Variants in PXDNL observed in about 807,000 individuals in gnomAD.
PXDNL encodes probable oxidoreductase PXDNL.
In PXDNL, 145 loss-of-function variants were observed where a neutral mutation model predicts 150.8. That is an observed-to-expected ratio of 0.96 (90% CI 0.84 to 1.10). PXDNL has a LOEUF of 1.10. PXDNL is among the 50% of genes least tolerant of loss of function. The pLI is 0.00. For missense variants in PXDNL, 2,087 were observed against 1,873.9 expected (o/e 1.11, Z -2.10); for synonymous variants, 757 against 725.7 (o/e 1.04, Z -0.69).
intron 19 of PXDNL, among the ~76,000 whole-genome samples, chr8:51,360,257 A>T (rs1449262477): frequency 6.6e-6 from 1 of 152,176 alleles, no homozygotes; most frequent in Non-Finnish European, 1.5e-5. Context: ...CCATATGTGT[A>T]CACATCTATG....
At chr8:51,454,079 T>C (rs1809873344) in intron 9 of PXDNL, among the ~76,000 whole-genome samples, 1 of 149,256 alleles carries the variant, frequency 6.7e-6, no homozygotes, top group South Asian at 2.2e-4. Flanking sequence ...AGGGGTTAAA[T>C]GTTTAAACAT....
chr8:51,344,185 A>G (rs115365009), intron 20 of PXDNL, among the ~76,000 whole-genome samples: 4,490 of 152,000 alleles, frequency 0.03, 208 homozygotes, highest in African/African-American at 0.1. Context: ...ATTCATGGGA[A>G]CCTCAAACTC....
intron 8 of PXDNL, 82 bp from the exon 9 acceptor site, chr8:51,457,749 T>C: frequency 2.2e-6 from 2 of 912,482 alleles, no homozygotes; most frequent in Non-Finnish European, 3.2e-6. Flanking sequence ...TATAGTACTA[T>C]ATAGCTATGT....
At chr8:51,793,427 C>G (rs2037531794) in intron 1 of PXDNL, among the ~76,000 whole-genome samples, 1 of 152,190 alleles carries the variant, frequency 6.6e-6, no homozygotes, top group African/African-American at 2.4e-5. Flanking sequence ...CAGAGCACCA[C>G]TTCTCCTCCA....
intron 21 of PXDNL, among the ~76,000 whole-genome samples, chr8:51,338,193 A>G (rs1393286357): frequency 6.7e-6 from 1 of 149,508 alleles, no homozygotes; most frequent in Non-Finnish European, 1.5e-5. Context: ...AAAAAAAAAA[A>G]AAAAAAAAAG....
chr8:51,486,520 A>G (rs548419401), intron 5 of PXDNL, among the ~76,000 whole-genome samples: 1 of 151,980 alleles, frequency 6.6e-6, no homozygotes, highest in East Asian at 1.9e-4. Context: ...ATACTATCCC[A>G]GTAGTATTCA....
intron 4 of PXDNL, among the ~76,000 whole-genome samples, chr8:51,549,893 G>T (rs978768820): frequency 2.0e-5 from 3 of 151,990 alleles, no homozygotes; most frequent in Non-Finnish European, 2.9e-5. Context: ...AAAACAAAAA[G>T]CTGGTTCTTT....
chr8:51,401,630 A>C (rs899883631), intron 17 of PXDNL, among the ~76,000 whole-genome samples: 4 of 152,162 alleles, frequency 2.6e-5, no homozygotes, highest in Admixed American at 2.6e-4. Context: ...TATGGGAGAG[A>C]AGCACCCTTT....
intron 19 of PXDNL, among the ~76,000 whole-genome samples, chr8:51,367,853 T>C (rs1586040394): frequency 6.6e-6 from 1 of 152,248 alleles, no homozygotes; most frequent in East Asian, 1.9e-4. Context: ...GGCCACAGGG[T>C]GCAGTGGCTC....
intron 14 of PXDNL, among the ~76,000 whole-genome samples, chr8:51,421,868 C>T (rs567921767): frequency 2.6e-5 from 4 of 152,200 alleles, no homozygotes; most frequent in Non-Finnish European, 4.4e-5. Flanking sequence ...CCAACCCCAG[C>T]GCCTTCAGAA....
intron 19 of PXDNL, among the ~76,000 whole-genome samples, chr8:51,357,238 T>C (rs989485305): frequency 1.3e-5 from 2 of 152,210 alleles, no homozygotes; most frequent in South Asian, 2.1e-4. Context: ...GTTATAAGTA[T>C]ACTGGTTTTC....
At chr8:51,794,036 A>G (rs1177445951) in intron 1 of PXDNL, among the ~76,000 whole-genome samples, 2 of 152,088 alleles carry the variant, frequency 1.3e-5, no homozygotes, top group African/African-American at 4.8e-5. Context: ...AAGTATCATT[A>G]ACCGAATAGA....
intron 13 of PXDNL, among the ~76,000 whole-genome samples, chr8:51,424,324 A>G (rs1186377644): frequency 6.6e-6 from 1 of 152,184 alleles, no homozygotes; most frequent in East Asian, 1.9e-4. Flanking sequence ...AACTATGATC[A>G]TGCCACTGTA....
intron 3 of PXDNL, among the ~76,000 whole-genome samples, chr8:51,582,751 TA>T (rs1813236091): frequency 6.6e-6 from 1 of 152,160 alleles, no homozygotes; most frequent in Non-Finnish European, 1.5e-5. Flanking sequence ...ACACTACAGT[TA>T]TCCTATGTTA....
rs552356714 is a variant in PXDNL at position 51,800,610 on chromosome 8, G to C, written c.164+8571C>G. Among the ~76,000 whole-genome samples, 3 of 152,318 alleles carry C rather than the reference G, an allele frequency of 2.0e-5. No homozygotes were observed. The East Asian group carries it at 5.8e-4, about 29-fold the overall frequency. On this transcript the variant is annotated intron_variant, in intron 1 of 22. Coordinates refer to ENST00000356297, the MANE Select transcript of PXDNL (RefSeq NM_144651.5). ...GGAGGGACCAGCTGGAGCCACGGCA[G>C]AGGAACATAAATTGTGAAGATTTCA...
intron 12 of PXDNL, among the ~76,000 whole-genome samples, chr8:51,443,202 C>A (rs781496848): frequency 6.6e-6 from 1 of 151,966 alleles, no homozygotes; most frequent in Non-Finnish European, 1.5e-5. Flanking sequence ...TCATTGCTTA[C>A]AAATATTTGC....
At chr8:51,638,162 T>C (rs1482545931) in intron 2 of PXDNL, among the ~76,000 whole-genome samples, 1 of 152,150 alleles carries the variant, frequency 6.6e-6, no homozygotes, top group Non-Finnish European at 1.5e-5. Context: ...AGAGATTTTG[T>C]CACCACCAGG....
intron 1 of PXDNL, among the ~76,000 whole-genome samples, chr8:51,793,626 C>T (rs1021017871): frequency 4.6e-5 from 7 of 152,156 alleles, no homozygotes; most frequent in Non-Finnish European, 8.8e-5. Context: ...CAAGGACTCA[C>T]GCCTGTAATC....
chr8:51,680,736 G>A (rs7831731), intron 1 of PXDNL, among the ~76,000 whole-genome samples: 3,443 of 152,252 alleles, frequency 0.023, 123 homozygotes, highest in African/African-American at 0.078. Flanking sequence ...ACTACTGCTC[G>A]CTCGCTGTGT....
Sources: gnomAD v4.1 joint callset for allele counts (sites outside exome capture counted in the v4.1 genomes callset) on GRCh38, gnomAD v4.1.1 for gene constraint, MANE v1.5 for transcripts, NCBI Gene and HGNC (gene_info 2026-07-23, HGNC 2026-07-21) for gene names.